Variants in FAM120A observed in about 807,000 individuals in gnomAD.
FAM120A encodes the protein family with sequence similarity 120 member A, also known as constitutive coactivator of PPAR-gamma-like protein 1.
FAM120A carries 15 observed loss-of-function variants against 109.7 expected under a neutral mutation model. The observed-to-expected ratio is 0.14, with a 90% CI of 0.09 to 0.21. The LOEUF (loss-of-function observed/expected upper bound fraction) is 0.21. FAM120A is among the 10% of genes least tolerant of loss of function. The probability of loss-of-function intolerance (pLI) is 1.00; values close to 1 mark genes in which losing one functional copy is unlikely to be tolerated. For synonymous variants in FAM120A, 493 were observed against 572.8 expected (o/e 0.86, Z 1.99); for missense variants, 899 against 1,439.3 (o/e 0.62, Z 6.07).
intron 1 of FAM120A, among the ~76,000 whole-genome samples, chr9:93,464,139 T>G (rs1176212435): frequency 2.0e-5 from 3 of 152,172 alleles, no homozygotes; most frequent in Non-Finnish European, 2.9e-5. Context: ...TAAGTAACAG[T>G]GTCAAGTTTT....
In FAM120A at chr9:93,557,127, GTT is replaced by G. The variant is rs60903831; in HGVS notation, c.2484+554_2484+555del. Among the ~76,000 whole-genome samples, 62 of 120,162 alleles carry G rather than the reference GTT, an allele frequency of 5.2e-4. No individual in the cohort carries two copies. The South Asian group carries it at 5.9e-3, about 11-fold the overall frequency. The allele number at this position is 120,162 out of a possible 152,430, so 78.8% of individuals were successfully genotyped here. On this transcript the variant is annotated intron_variant, in intron 13 of 17. Coordinates refer to ENST00000277165, the MANE Select transcript of FAM120A (RefSeq NM_014612.5). Reference sequence around the variant, plus strand: ...CCATTTTATTTGTTTGTTTGTTTTGGTTTTTTTTTTTTTTTTTTTGAGATGGA... The same window carrying G: ...CCATTTTATTTGTTTGTTTGTTTTGGTTTTTTTTTTTTTTTTTGAGATGGA...
chr9:93,542,245 A>G (rs573926328), intron 10 of FAM120A, among the ~76,000 whole-genome samples: 11 of 152,334 alleles, frequency 7.2e-5, no homozygotes, highest in South Asian at 2.1e-4. Context: ...GGCAAGGGAC[A>G]ACACCAGGCC....
intron 1 of FAM120A, chr9:93,453,380 C>G: frequency 3.0e-6 from 3 of 985,494 alleles, no homozygotes; most frequent in Non-Finnish European, 3.6e-6. Context: ...TGATCCTGGA[C>G]TTCACGTTCT....
intron 11 of FAM120A, among the ~76,000 whole-genome samples, chr9:93,548,248 T>C (rs1261875944): frequency 1.3e-5 from 2 of 151,996 alleles, no homozygotes; most frequent in South Asian, 2.1e-4. Flanking sequence ...GGACTACAGG[T>C]GCCCGCCACC....
chr9:93,543,541 A>T lies in FAM120A; in HGVS notation c.2159+70A>T, dbSNP rs998738572. ...GTAGGGGCCATGACCATGGTGTCAGATGAGTTCTAGAAAGGATGTAAAGTT... is the reference window on the plus strand; with the variant it reads ...GTAGGGGCCATGACCATGGTGTCAGTTGAGTTCTAGAAAGGATGTAAAGTT... On this transcript the variant is annotated intron_variant, in intron 11 of 17. Coordinates refer to ENST00000277165, the MANE Select transcript of FAM120A (RefSeq NM_014612.5). 2.6e-6 allele frequency: 4 copies of T among 1,547,590 alleles called. No homozygotes were observed. The African/African-American group carries it at 5.5e-5, about 21-fold the overall frequency.
intron 3 of FAM120A, among the ~76,000 whole-genome samples, chr9:93,496,746 G>A (rs1003206578): frequency 6.6e-6 from 1 of 152,220 alleles, no homozygotes; most frequent in Non-Finnish European, 1.5e-5. Context: ...GGAGGATGTG[G>A]ACAGCTTTGG....
chr9:93,528,528 CT>C (rs1861182988), intron 8 of FAM120A, among the ~76,000 whole-genome samples: 1 of 152,190 alleles, frequency 6.6e-6, no homozygotes, highest in Non-Finnish European at 1.5e-5. Context: ...GTTCTACTGC[CT>C]CGCAGCAGTC....
At chr9:93,562,340 G>A in intron 17 of FAM120A, 36 bp downstream of exon 17, 1 of 1,518,924 alleles carries the variant, frequency 6.6e-7, no homozygotes, top group Non-Finnish European at 9.1e-7. Context: ...CCAGTTCAAT[G>A]CCCTCAGGGA....
intron 3 of FAM120A, among the ~76,000 whole-genome samples, chr9:93,494,741 G>C (rs1043574524): frequency 6.6e-5 from 10 of 152,262 alleles, no homozygotes; most frequent in East Asian, 1.9e-4. Context: ...CTGCTTTTCT[G>C]TGCTCTTTCA....
chr9:93,536,223 G>T (rs141842715), intron 10 of FAM120A, among the ~76,000 whole-genome samples: 2 of 152,164 alleles, frequency 1.3e-5, no homozygotes, highest in Non-Finnish European at 2.9e-5. Context: ...AATTATTGGC[G>T]TACTGGAAGA....
intron 5 of FAM120A, among the ~76,000 whole-genome samples, chr9:93,499,722 A>C (rs1005558841): frequency 1.2e-4 from 19 of 152,266 alleles, no homozygotes; most frequent in Non-Finnish European, 2.5e-4. Flanking sequence ...TAGAAGTATG[A>C]GAAATAGACC....
At chr9:93,458,261 C>A (rs955792751) in intron 1 of FAM120A, among the ~76,000 whole-genome samples, 8 of 152,042 alleles carry the variant, frequency 5.3e-5, no homozygotes, top group Admixed American at 2.0e-4. Context: ...CCACCTTTAA[C>A]ACTTCTGAAC....
At chr9:93,489,468 G>A (rs7020783) in intron 3 of FAM120A, among the ~76,000 whole-genome samples, 1,617 of 152,328 alleles carry the variant, frequency 0.011, 35 homozygotes, top group African/African-American at 0.036. Context: ...ACTGCACGAT[G>A]GAGCCCAGGT....
intron 10 of FAM120A, among the ~76,000 whole-genome samples, chr9:93,540,599 G>C (rs796448041): frequency 6.6e-6 from 1 of 152,166 alleles, no homozygotes; most frequent in Non-Finnish European, 1.5e-5. Flanking sequence ...GTGTTCACCT[G>C]TTTCTTTCTG....
chr9:93,457,578 G>A (rs1272212112), intron 1 of FAM120A, among the ~76,000 whole-genome samples: 2 of 152,034 alleles, frequency 1.3e-5, no homozygotes, highest in Non-Finnish European at 2.9e-5. Context: ...AGAGCTAAAG[G>A]TATGCACATT....
intron 5 of FAM120A, among the ~76,000 whole-genome samples, chr9:93,512,674 G>A (rs952633507): frequency 1.3e-5 from 2 of 152,124 alleles, no homozygotes; most frequent in Non-Finnish European, 2.9e-5. Context: ...GACACACAGT[G>A]GTTCTGCTCA....
rs146673103 is a variant in FAM120A at position 93,529,874 on chromosome 9, T to G, written c.1734+294T>G. 1.4e-3 allele frequency: 795 copies of G among 550,470 alleles called. 3 individuals carry two copies. The highest frequency in any genetic ancestry group is 0.012 in the African/African-American group (635 of 52,488). 34.1% of individuals were successfully genotyped at this position (550,470 alleles called of 1,614,324 possible). A position where few individuals can be genotyped will look rare whatever the true frequency, so the allele number is the denominator to read the frequency against. On this transcript the variant is annotated intron_variant, in intron 9 of 17. Transcript: ENST00000277165. ...ATTTTATGACTTGTAATTTTATTCT[T>G]TTTACTTCAATTTCAGAATTTTCTT...
chr9:93,527,087 C>A, intron 7 of FAM120A, 68 bp from the exon 8 acceptor site: 1 of 1,255,942 alleles, frequency 8.0e-7, no homozygotes, highest in Non-Finnish European at 1.2e-6. Flanking sequence ...TTAGCTGAGG[C>A]CCTTCTTATC....
At chr9:93,465,810 CAGG>C (rs1472979739) in intron 1 of FAM120A, among the ~76,000 whole-genome samples, 1 of 152,216 alleles carries the variant, frequency 6.6e-6, no homozygotes, top group Non-Finnish European at 1.5e-5. Context: ...GGACCCTGGT[CAGG>C]ACCTCTAGTG....
Sources: gnomAD v4.1 joint callset for allele counts (sites outside exome capture counted in the v4.1 genomes callset) on GRCh38, gnomAD v4.1.1 for gene constraint, MANE v1.5 for transcripts, NCBI Gene and HGNC (gene_info 2026-07-23, HGNC 2026-07-21) for gene names.